DYSF: variants seen among roughly 807,000 people sequenced by gnomAD.
The protein encoded by DYSF is dysferlin.
A neutral mutation model predicts 274.9 loss-of-function variants in DYSF; 212 were observed. The ratio of observed to expected loss-of-function variants is 0.77; its 90% CI spans 0.69 to 0.86. DYSF has a LOEUF of 0.86. Among genes scored for constraint, DYSF ranks in the 40% least tolerant of loss-of-function variants. The pLI is 0.00. For synonymous variants in DYSF, 1,091 were observed against 1,078.7 expected (o/e 1.01, Z -0.22); for missense variants, 2,666 against 2,783.2 (o/e 0.96, Z 0.95).
intron 43 of DYSF, among the ~76,000 whole-genome samples, chr2:71,658,109 G>T (rs2094807345): frequency 6.6e-6 from 1 of 152,178 alleles, no homozygotes; most frequent in Non-Finnish European, 1.5e-5. Flanking sequence ...TTGCTGCTTA[G>T]AAATTTCTTC....
Position 71,530,056 on chromosome 2 carries a change from C to T in DYSF, c.1380+1655C>T, listed in dbSNP as rs982397029. On this transcript the variant is annotated intron_variant, in intron 14 of 55. Coordinates refer to ENST00000410020, the MANE Select transcript of DYSF (RefSeq NM_001130987.2). ...GGGGATGTAATGCAGATTTTAAACT[C>T]GTTCATGTGGAGGTGTAAATGCTTA... Among the ~76,000 whole-genome samples, 6 of 152,272 alleles carry T rather than the reference C, an allele frequency of 3.9e-5. No homozygotes were observed. In the East Asian group the frequency reaches 5.8e-4, roughly 15 times the overall value.
intron 35 of DYSF, among the ~76,000 whole-genome samples, chr2:71,602,273 C>T (rs932446643): frequency 4.6e-5 from 7 of 152,182 alleles, no homozygotes; most frequent in African/African-American, 1.7e-4. Flanking sequence ...CAAGGCAGCC[C>T]ACACAATTTT....
intron 24 of DYSF, among the ~76,000 whole-genome samples, chr2:71,565,857 A>G (rs1185506577): frequency 1.3e-5 from 2 of 152,100 alleles, no homozygotes; most frequent in Non-Finnish European, 2.9e-5. Context: ...GAACTAAGTG[A>G]TCAATGGATG....
intron 18 of DYSF, 69 bp downstream of exon 18, chr2:71,551,225 C>T: frequency 6.6e-7 from 1 of 1,512,542 alleles, no homozygotes; most frequent in Non-Finnish European, 9.2e-7. Flanking sequence ...CCCAGGCCTG[C>T]ATGCAGGGTC....
intron 3 of DYSF, among the ~76,000 whole-genome samples, chr2:71,498,611 G>A (rs1156340448): frequency 6.6e-6 from 1 of 152,250 alleles, no homozygotes; most frequent in Non-Finnish European, 1.5e-5. Flanking sequence ...TAATTCCTAA[G>A]CTTGTGGCTA....
chr2:71,632,904 C>T (rs1355641362), intron 41 of DYSF, among the ~76,000 whole-genome samples: 1 of 152,212 alleles, frequency 6.6e-6, no homozygotes, highest in African/African-American at 2.4e-5. Context: ...GATCAGGTCC[C>T]CTTGCCATCT....
At chr2:71,645,067 A>G (rs2094546431) in intron 42 of DYSF, among the ~76,000 whole-genome samples, 1 of 152,182 alleles carries the variant, frequency 6.6e-6, no homozygotes, top group Non-Finnish European at 1.5e-5. Flanking sequence ...GAATGTTTAC[A>G]GCTGAAGCCC....
intron 51 of DYSF, among the ~76,000 whole-genome samples, chr2:71,670,724 G>GC (rs772560262): frequency 7.2e-5 from 11 of 152,220 alleles, no homozygotes; most frequent in Non-Finnish European, 8.8e-5. Flanking sequence ...AGGACAGCCA[G>GC]CCTCTTCCTG....
chr2:71,517,058 T>C lies in DYSF; in HGVS notation c.1002+19T>C. On this transcript the variant is annotated intron_variant, in intron 10 of 55. Coordinates refer to ENST00000410020, the MANE Select transcript of DYSF (RefSeq NM_001130987.2). ...GTTCCGGGTAATTGCTTATTTTCTA[T>C]GAAAGCAGTCAGTTCTCACTTCTCC... is the stretch of plus-strand genomic sequence containing the variant. The C allele has an allele frequency of 6.2e-7, 1 of 1,613,102 alleles. No individual in the cohort carries two copies. The highest frequency in any genetic ancestry group is 8.5e-7 in the Non-Finnish European group (1 of 1,179,068).
Position 71,611,199 on chromosome 2 carries a change from G to A in DYSF, c.3958-46G>A, listed in dbSNP as rs376211828. On this transcript the variant is annotated intron_variant, in intron 36 of 55. Transcript: ENST00000410020. ...CCTTCTCTCTTGTCTTTTTGCCTTG[G>A]TCTTCCTTCCACCTTTGTCTCCATT... The A allele has an allele frequency of 3.3e-5, 48 of 1,433,564 alleles. No individual in the cohort carries two copies. The African/African-American group carries it at 6.2e-4, about 18-fold the overall frequency. The allele number at this position is 1,433,564 out of a possible 1,614,324, so 88.8% of individuals were successfully genotyped here.
intron 24 of DYSF, among the ~76,000 whole-genome samples, chr2:71,565,534 C>T (rs896901265): frequency 3.3e-5 from 5 of 152,194 alleles, no homozygotes; most frequent in South Asian, 2.1e-4. Flanking sequence ...TCTCTCCTCC[C>T]TCCTCCCCTC....
rs192395031 is a variant in DYSF at position 71,481,949 on chromosome 2, A to G, written c.218A>G (p.His73Arg). 10 of 1,614,158 alleles carry G rather than the reference A, an allele frequency of 6.2e-6. No homozygotes were observed. In the East Asian group the frequency reaches 2.2e-4, roughly 36 times the overall value. ...GSELHVVVKDHETMGRNRFLG... is the reference protein window; with the variant it reads ...GSELHVVVKDRETMGRNRFLG... ...GAGCTTCATGTGGTGGTCAAAGACC[A>G]TGAGACGATGGGGAGGAACAGGTAA... The change falls in exon 3 of 56, where the codon CAT (histidine) becomes CGT (arginine). Residue 73 changes from histidine (H) to arginine (R), a missense_variant. Transcript: ENST00000410020.
Position 71,513,279 on chromosome 2 carries a change from G to A in DYSF, c.500G>A (p.Ser167Asn). The part of the protein sequence containing the change: ...QSRAETWSLL[S>N]DSTMDTRYSG... ...CGGGCCGAGACTTGGTCCCTGCTCA[G>A]TGACAGCACCATGGACACGAGATAC... Residue 167 changes from serine (S) to asparagine (N), a missense_variant, in exon 6 of 56, where the codon AGT becomes AAT. Ser to Asn is a conservative substitution (Grantham distance 46). Transcript: ENST00000410020. 1 of 1,551,652 alleles carries A rather than the reference G, an allele frequency of 6.4e-7. No homozygotes were observed. Among genetic ancestry groups the A allele is most frequent in the Non-Finnish European group, 8.7e-7 (1 of 1,146,968 alleles).
chr2:71,663,385 G>A (rs1006828492), intron 45 of DYSF, among the ~76,000 whole-genome samples: 2 of 152,186 alleles, frequency 1.3e-5, no homozygotes, highest in Non-Finnish European at 2.9e-5. Flanking sequence ...ACAATCTCTC[G>A]CTGCTACAAC....
intron 51 of DYSF, among the ~76,000 whole-genome samples, chr2:71,671,796 G>C (rs142358162): frequency 1.3e-5 from 2 of 152,330 alleles, no homozygotes; most frequent in African/African-American, 4.8e-5. Context: ...CAATGTTGTG[G>C]TTTTGTCTCT....
Position 71,682,453 on chromosome 2 carries a change from C to T in DYSF, c.6174-77C>T, listed in dbSNP as rs538760485. 27 of 1,595,762 alleles carry T rather than the reference C, an allele frequency of 1.7e-5. No homozygotes were observed. The African/African-American group carries it at 3.6e-4, about 21-fold the overall frequency. On this transcript the variant is annotated intron_variant, in intron 54 of 55. Coordinates refer to ENST00000410020, the MANE Select transcript of DYSF (RefSeq NM_001130987.2). Reference sequence around the variant, plus strand: ...ACTGTGGAGGGCCAGGCCATTGGACCTGCTGTTGAGAGAAGAGTTTGGAGA... The same window carrying T: ...ACTGTGGAGGGCCAGGCCATTGGACTTGCTGTTGAGAGAAGAGTTTGGAGA...
chr2:71,557,585 T>TA (rs2091426874), intron 22 of DYSF, among the ~76,000 whole-genome samples: 4 of 151,376 alleles, frequency 2.6e-5, no homozygotes, highest in Admixed American at 2.6e-4. Flanking sequence ...AGACTGGACA[T>TA]ACGGCAGGTG....
At chr2:71,466,331 C>T (rs1222163562), upstream of DYSF, among the ~76,000 whole-genome samples, 1 of 152,226 alleles carries the variant, frequency 6.6e-6, no homozygotes, top group African/African-American at 2.4e-5. Flanking sequence ...CTTCCGCCTG[C>T]ACTCCTGCCT....
chr2:71,610,961 T>C (rs2152874259), intron 36 of DYSF: 1 of 479,092 alleles, frequency 2.1e-6, no homozygotes, highest in African/African-American at 2.0e-5. Context: ...TCAGGGGGCA[T>C]CAGAGCCTGC....
Sources: allele counts gnomAD v4.1 joint callset (sites outside exome capture counted in the v4.1 genomes callset), GRCh38; gene constraint gnomAD v4.1.1; transcripts MANE v1.5; gene names NCBI Gene and HGNC (gene_info 2026-07-23, HGNC 2026-07-21).